The following ANKRD33B variants were observed in gnomAD, a reference collection of about 807,000 sequenced individuals.
The protein encoded by ANKRD33B is ankyrin repeat domain-containing protein 33B.
Under a neutral mutation model 21.5 loss-of-function variants are expected in ANKRD33B, and 6 were observed. The ratio of observed to expected loss-of-function variants is 0.28; its 90% CI spans 0.15 to 0.55. The LOEUF is 0.55. Ranked by LOEUF, ANKRD33B falls within the 20% of genes least tolerant of loss-of-function variation. The probability of loss-of-function intolerance (pLI) is 0.94; values close to 1 mark genes in which losing one functional copy is unlikely to be tolerated. For synonymous variants in ANKRD33B, 347 were observed against 342.4 expected (o/e 1.01, Z -0.15); for missense variants, 698 against 747.2 (o/e 0.93, Z 0.77).
chr5:10,592,999 AC>A (rs1735729650), intron 1 of ANKRD33B, among the ~76,000 whole-genome samples: 1 of 152,052 alleles, frequency 6.6e-6, no homozygotes, highest in African/African-American at 2.4e-5. Flanking sequence ...GTATTTCCTG[AC>A]TTCTCCTCTG....
rs1193340445 is a variant in ANKRD33B, at chr5:10,656,069, A to G, written c.*5956A>G. On this transcript the variant is annotated 3_prime_UTR_variant, in exon 4 of 4. Transcript: ENST00000296657. ...CAGTTCCTCTCAAGACACTGCTTGC[A>G]TCTTCCCTCCACGCCTCTCGGTGCA... is the stretch of plus-strand genomic sequence containing the variant. The G allele has an allele frequency of 6.6e-6, 1 of 151,282 alleles. No homozygotes were observed. Among genetic ancestry groups the G allele is most frequent in the East Asian group, 1.9e-4 (1 of 5,238 alleles). The allele number at this position is 151,282 out of a possible 1,614,324, so 9.4% of individuals were successfully genotyped here. A position where few individuals can be genotyped will look rare whatever the true frequency, so the allele number is the denominator to read the frequency against.
At chr5:10,603,123 A>G (rs1399547674) in intron 1 of ANKRD33B, among the ~76,000 whole-genome samples, 3 of 151,802 alleles carry the variant, frequency 2.0e-5, no homozygotes, top group African/African-American at 7.3e-5. Context: ...CTGATGGTCT[A>G]TTTATATTCT....
chr5:10,597,185 A>G (rs1230385120), intron 1 of ANKRD33B, among the ~76,000 whole-genome samples: 1 of 152,258 alleles, frequency 6.6e-6, no homozygotes, highest in Non-Finnish European at 1.5e-5. Context: ...AGACTCACAC[A>G]TAGCAATATT....
chr5:10,621,940 G>A (rs771006439), intron 2 of ANKRD33B, among the ~76,000 whole-genome samples: 26 of 152,186 alleles, frequency 1.7e-4, no homozygotes, highest in Non-Finnish European at 3.2e-4. Context: ...GTCCTTATAA[G>A]AAGAGGAAGA....
At chr5:10,648,620 G>A (rs1737242895) in intron 3 of ANKRD33B, among the ~76,000 whole-genome samples, 1 of 152,184 alleles carries the variant, frequency 6.6e-6, no homozygotes, top group Middle Eastern at 3.2e-3. Flanking sequence ...TTAGCCTGGC[G>A]TGGTAGCACA....
intron 1 of ANKRD33B, among the ~76,000 whole-genome samples, chr5:10,583,318 A>G (rs952881469): frequency 2.0e-5 from 3 of 152,170 alleles, no homozygotes; most frequent in Non-Finnish European, 4.4e-5. Flanking sequence ...CTTTTTGAAC[A>G]TGATTCAAGT....
At chr5:10,571,695 A>G (rs1036120107) in intron 1 of ANKRD33B, among the ~76,000 whole-genome samples, 2 of 152,124 alleles carry the variant, frequency 1.3e-5, no homozygotes, top group African/African-American at 2.4e-5. Context: ...TTAAACAACA[A>G]TGACAAAGTT....
intron 1 of ANKRD33B, among the ~76,000 whole-genome samples, chr5:10,599,926 C>T (rs1301773251): frequency 6.6e-6 from 1 of 152,248 alleles, no homozygotes; most frequent in East Asian, 1.9e-4. Context: ...TCCACAGTGG[C>T]TGCACCACAT....
chr5:10,578,774 GAGTTAATTT>G (rs1466320795), intron 1 of ANKRD33B, among the ~76,000 whole-genome samples: 2 of 152,148 alleles, frequency 1.3e-5, no homozygotes, highest in African/African-American at 4.8e-5. Context: ...CAAGTATATT[GAGTTAATTT>G]TGAAAAACCC....
Position 10,650,156 on chromosome 5 carries a change from C to A in ANKRD33B, c.*43C>A. ...GCTGGGGCCGGGGCTGGGGCCGGGG[C>A]GGGGCCGCAGGGCTGGGCGCGGAGA... On this transcript the variant is annotated 3_prime_UTR_variant, in exon 4 of 4. Coordinates refer to ENST00000296657, the MANE Select transcript of ANKRD33B (RefSeq NM_001164440.2). The A allele has an allele frequency of 7.1e-7, 1 of 1,409,822 alleles. No homozygotes were observed. The highest frequency in any genetic ancestry group is 9.2e-7 in the Non-Finnish European group (1 of 1,081,332). 87.3% of individuals were successfully genotyped at this position (1,409,822 alleles called of 1,614,324 possible).
intron 2 of ANKRD33B, among the ~76,000 whole-genome samples, chr5:10,623,666 T>A (rs1278641913): frequency 6.6e-6 from 1 of 152,186 alleles, no homozygotes; most frequent in Non-Finnish European, 1.5e-5. Flanking sequence ...TGTTCTCAGC[T>A]CTCTTGGGAG....
At chr5:10,585,858 C>T (rs1735545285) in intron 1 of ANKRD33B, among the ~76,000 whole-genome samples, 2 of 152,192 alleles carry the variant, frequency 1.3e-5, no homozygotes, top group African/African-American at 4.8e-5. Context: ...CTGCAGGGCC[C>T]CTCCTCTCTG....
rs1268937006 is a variant in ANKRD33B, at chr5:10,649,476, T to TCAC, written c.849_851dup (p.Thr284dup). 1.2e-5 allele frequency: 19 copies of TCAC among 1,535,212 alleles called. No individual in the cohort carries two copies. Among genetic ancestry groups the TCAC allele is most frequent in the Non-Finnish European group, 1.7e-5 (19 of 1,146,410 alleles). On this transcript the variant is annotated inframe_insertion, in exon 4 of 4. Transcript: ENST00000296657. ...GGCTCCAAGAACTGCCTGCAGAGGCTCACAGACTGCGTGCTGTCCGTGCTG... is the reference window on the plus strand; with the variant it reads ...GGCTCCAAGAACTGCCTGCAGAGGCTCACCACAGACTGCGTGCTGTCCGTGCTG...
chr5:10,624,680 C>G (rs530969380), intron 2 of ANKRD33B: 12 of 450,792 alleles, frequency 2.7e-5, no homozygotes, highest in Admixed American at 7.2e-5. Context: ...TTAATTGCCT[C>G]AATGTGCCGA....
rs531151006 is a variant in ANKRD33B, at chr5:10,619,902, ACT to A, written c.496+1443_496+1444del. On this transcript the variant is annotated intron_variant, in intron 2 of 3. Transcript: ENST00000296657. The surrounding 1 kb of genome is among the most constrained non-coding windows in gnomAD (Gnocchi z 4.5). Reference sequence around the variant, plus strand: ...GAGCTTGGTGCTGTGGGATGAGAACACTCTATCTAGCCTGAAGTTCATGATAA... The same window carrying A: ...GAGCTTGGTGCTGTGGGATGAGAACACTATCTAGCCTGAAGTTCATGATAA... Among the ~76,000 whole-genome samples the A allele has an allele frequency of 1.3e-5, 2 of 152,030 alleles. No individual in the cohort carries two copies. Among genetic ancestry groups the A allele is most frequent in the African/African-American group, 4.8e-5 (2 of 41,462 alleles).
intron 2 of ANKRD33B, among the ~76,000 whole-genome samples, chr5:10,632,353 G>A (rs1736742131): frequency 1.3e-5 from 2 of 152,164 alleles, no homozygotes; most frequent in South Asian, 2.1e-4. Context: ...AGAGTCAACC[G>A]GGAAGCACAG....
intron 1 of ANKRD33B, among the ~76,000 whole-genome samples, chr5:10,614,626 C>T (rs998140484): frequency 6.6e-6 from 1 of 152,158 alleles, no homozygotes; most frequent in Non-Finnish European, 1.5e-5. Flanking sequence ...ATGGCTCACA[C>T]CTGTAATCCC....
rs34752589 is a variant in ANKRD33B at position 10,638,989 on chromosome 5, A to G, written c.637+821A>G. Among the ~76,000 whole-genome samples the G allele has an allele frequency of 8.2e-4, 55 of 66,946 alleles. 3 individuals carry two copies. The highest frequency in any genetic ancestry group is 1.4e-3 in the Admixed American group (11 of 7,670). The allele number at this position is 66,946 out of a possible 152,430, so 43.9% of individuals were successfully genotyped here. A position where few individuals can be genotyped will look rare whatever the true frequency, so the allele number is the denominator to read the frequency against. Reference sequence around the variant, plus strand: ...ACGGCGATGTTAGCGGGTGACGCGGAGTTGCGCGGCGATGTTAGGCGGTGA... The same window carrying G: ...ACGGCGATGTTAGCGGGTGACGCGGGGTTGCGCGGCGATGTTAGGCGGTGA... On this transcript the variant is annotated intron_variant, in intron 3 of 3. Coordinates refer to ENST00000296657, the MANE Select transcript of ANKRD33B (RefSeq NM_001164440.2).
intron 1 of ANKRD33B, among the ~76,000 whole-genome samples, chr5:10,600,231 TGTA>T (rs1454457438): frequency 2.0e-5 from 3 of 152,218 alleles, no homozygotes; most frequent in African/African-American, 7.2e-5. Flanking sequence ...CTCTTAAGGG[TGTA>T]GTTCAGTGAA....
Sources: gnomAD v4.1 joint callset for allele counts (sites outside exome capture counted in the v4.1 genomes callset) on GRCh38, gnomAD v4.1.1 for gene constraint, Gnocchi (gnomAD v3.1) non-coding constraint, MANE v1.5 for transcripts, NCBI Gene and HGNC (gene_info 2026-07-23, HGNC 2026-07-21) for gene names.